The following RNF157 variants were observed in gnomAD, a reference collection of about 807,000 sequenced individuals.
RNF157 encodes the protein ring finger protein 157.
In RNF157, 55 loss-of-function variants were observed where a neutral mutation model predicts 88.3. The ratio of observed to expected loss-of-function variants is 0.62; its 90% confidence interval spans 0.50 to 0.78. The LOEUF is 0.78. Ranked by LOEUF, RNF157 falls within the 30% of genes least tolerant of loss-of-function variation. The pLI, the probability that RNF157 is intolerant of heterozygous loss-of-function variation, is 0.00. For missense variants in RNF157, 788 were observed against 860.8 expected (o/e 0.92, Z 1.06); for synonymous variants, 334 against 341.2 (o/e 0.98, Z 0.23).
intron 1 of RNF157, among the ~76,000 whole-genome samples, chr17:76,238,231 G>A (rs2070315390): frequency 6.6e-6 from 1 of 152,186 alleles, no homozygotes; most frequent in Admixed American, 6.5e-5. Flanking sequence ...CCTCCGTCTA[G>A]AGCATATATG....
At chr17:76,166,901 G>A in intron 5 of RNF157, 108 bp downstream of exon 5, 1 of 706,740 alleles carries the variant, frequency 1.4e-6, no homozygotes, top group Non-Finnish European at 2.4e-6. Context: ...TGAAAGGTAA[G>A]CATGGCCTTC....
chr17:76,166,860 G>C (rs757990330), intron 5 of RNF157, 149 bp downstream of exon 5: 5 of 656,830 alleles, frequency 7.6e-6, no homozygotes, highest in Non-Finnish European at 1.3e-5. Context: ...AATAAGCAGA[G>C]CTTTAAAAGG....
chr17:76,185,602 T>G (rs561734689), intron 2 of RNF157, among the ~76,000 whole-genome samples: 72 of 151,836 alleles, frequency 4.7e-4, no homozygotes, highest in Middle Eastern at 3.4e-3. Context: ...CCCGAGTAGC[T>G]GGGACTACAG....
At position 76,157,199 on chromosome 17, in the gene RNF157, C is replaced by T. The variant is rs1160854751; in HGVS notation, c.1414-878G>A. 6.6e-6 allele frequency among the ~76,000 whole-genome samples: 1 copy of T among 152,342 alleles called. No homozygotes were observed. Among genetic ancestry groups the T allele is most frequent in the Admixed American group, 6.5e-5 (1 of 15,310 alleles). ...GCCAGGATGGTCTCGATCTCCTGAC[C>T]TCGTGATCCGCCCGCCTCGGCCTCC... is the stretch of plus-strand genomic sequence containing the variant. On this transcript the variant is annotated intron_variant, in intron 13 of 18. Transcript: ENST00000269391. This position sits in a 1 kb window ranked among gnomAD's most constrained non-coding sequence, Gnocchi z 5.6.
chr17:76,200,700 A>G (rs2069560550), intron 2 of RNF157, among the ~76,000 whole-genome samples: 1 of 152,188 alleles, frequency 6.6e-6, no homozygotes, highest in South Asian at 2.1e-4. Context: ...GTAGGGAGAC[A>G]TGTATTATAA....
intron 17 of RNF157, chr17:76,153,929 G>A: frequency 4.1e-6 from 1 of 243,890 alleles, no homozygotes. Flanking sequence ...CACTGAGAAT[G>A]CCAGAACAGC....
At chr17:76,179,015 A>C (rs2069148739) in intron 2 of RNF157, among the ~76,000 whole-genome samples, 1 of 152,204 alleles carries the variant, frequency 6.6e-6, no homozygotes, top group South Asian at 2.1e-4. Flanking sequence ...ATTCCTTTCT[A>C]AAGTCAAGAC....
At chr17:76,210,031 T>C (rs979647506) in intron 2 of RNF157, among the ~76,000 whole-genome samples, 1 of 152,040 alleles carries the variant, frequency 6.6e-6, no homozygotes, top group African/African-American at 2.4e-5. Flanking sequence ...GTGCTGGGAT[T>C]ACAGACATGA....
intron 7 of RNF157, 55 bp from the exon 8 acceptor site, chr17:76,164,850 G>T (rs1161138315): frequency 7.6e-7 from 1 of 1,322,440 alleles, no homozygotes; most frequent in Non-Finnish European, 1.1e-6. Context: ...AAAGCACCAG[G>T]TATTCTTCTG....
intron 1 of RNF157, among the ~76,000 whole-genome samples, chr17:76,237,673 T>C (rs1272195308): frequency 1.3e-5 from 2 of 152,182 alleles, no homozygotes; most frequent in Admixed American, 1.3e-4. Flanking sequence ...TACCAATTCA[T>C]TTCTCTGGGT....
intron 1 of RNF157, among the ~76,000 whole-genome samples, chr17:76,227,016 C>A (rs1568077000): frequency 1.3e-5 from 2 of 152,156 alleles, no homozygotes; most frequent in Non-Finnish European, 2.9e-5. Context: ...GGCCGTGGAC[C>A]CTGAGGGCGG....
At chr17:76,239,542 C>T (rs371847479) in intron 1 of RNF157, among the ~76,000 whole-genome samples, 2 of 147,500 alleles carry the variant, frequency 1.4e-5, no homozygotes, top group South Asian at 2.2e-4. Context: ...CACCACCACC[C>T]CCCCCACCCC....
intron 18 of RNF157, among the ~76,000 whole-genome samples, chr17:76,151,377 G>A (rs1360369051): frequency 1.3e-5 from 2 of 152,244 alleles, no homozygotes; most frequent in Non-Finnish European, 2.9e-5. Flanking sequence ...TGCACAGGCT[G>A]ATGGAGAGTG....
intron 2 of RNF157, among the ~76,000 whole-genome samples, chr17:76,194,907 C>T (rs1200724474): frequency 1.3e-5 from 2 of 151,970 alleles, no homozygotes; most frequent in Non-Finnish European, 2.9e-5. Flanking sequence ...CCCAGCTACT[C>T]AGGAGGCTGA....
intron 2 of RNF157, among the ~76,000 whole-genome samples, chr17:76,186,795 C>A (rs1338541669): frequency 6.6e-6 from 1 of 151,770 alleles, no homozygotes; most frequent in Non-Finnish European, 1.5e-5. Flanking sequence ...CAAAAATTAG[C>A]CAGGCATGGT....
intron 1 of RNF157, among the ~76,000 whole-genome samples, chr17:76,230,474 G>A (rs73364509): frequency 0.016 from 2,483 of 152,190 alleles, 80 homozygotes; most frequent in African/African-American, 0.056. Context: ...ATTACAATGG[G>A]TTATCTTCTA....
At chr17:76,187,188 CT>C (rs1317530443) in intron 2 of RNF157, among the ~76,000 whole-genome samples, 12 of 148,202 alleles carry the variant, frequency 8.1e-5, no homozygotes, top group Admixed American at 2.0e-4. Flanking sequence ...TTTTCTTCTT[CT>C]TTTTTTTTTC....
Position 76,240,095 on chromosome 17 carries a change from C to A in RNF157, c.88+58G>T. ...GGGGCCCCCTCAGGCCGTCCCGACC[C>A]AGACCCCTGCCCCTGCCCCTCTCCC... On this transcript the variant is annotated intron_variant, in intron 1 of 18. Transcript: ENST00000269391. This position sits in a 1 kb window ranked among gnomAD's most constrained non-coding sequence, Gnocchi z 4.4. 1 of 1,111,926 alleles carries A rather than the reference C, an allele frequency of 9.0e-7. No individual in the cohort carries two copies. The highest frequency in any genetic ancestry group is 1.1e-6 in the Non-Finnish European group (1 of 874,692). 68.9% of individuals were successfully genotyped at this position (1,111,926 alleles called of 1,614,324 possible).
chr17:76,226,663 C>G lies in RNF157; in HGVS notation c.88+13490G>C. 5 of 1,612,424 alleles carry G rather than the reference C, an allele frequency of 3.1e-6. No homozygotes were observed. The African/African-American group carries it at 5.3e-5, about 17-fold the overall frequency. On this transcript the variant is annotated intron_variant, in intron 1 of 18. Transcript: ENST00000269391. ...CCGCCTTAGCCTTGTCGCTGGAGAA[C>G]CCATGAGGTTTGAAGTGCTTGGCCA...
Sources: allele counts gnomAD v4.1 joint callset (sites outside exome capture counted in the v4.1 genomes callset), GRCh38; gene constraint gnomAD v4.1.1; non-coding constraint Gnocchi (gnomAD v3.1); transcripts MANE v1.5; gene names NCBI Gene and HGNC (gene_info 2026-07-23, HGNC 2026-07-21).